The following NAV2 variants were observed in gnomAD, a reference collection of about 807,000 sequenced individuals.
NAV2 encodes neuron navigator 2.
In NAV2, 54 loss-of-function variants were observed where a neutral mutation model predicts 223.2. That is an observed-to-expected ratio of 0.24 (90% CI 0.19 to 0.30). The LOEUF is 0.30. NAV2 is among the 10% of genes least tolerant of loss of function. The probability of loss-of-function intolerance (pLI) is 1.00; values close to 1 mark genes in which losing one functional copy is unlikely to be tolerated. For missense variants in NAV2, 2,806 were observed against 3,147.5 expected (o/e 0.89, Z 2.60); for synonymous variants, 1,279 against 1,239.3 (o/e 1.03, Z -0.67).
intron 8 of NAV2, among the ~76,000 whole-genome samples, chr11:19,945,114 T>C (rs1167462444): frequency 1.3e-5 from 1 of 79,170 alleles, no homozygotes; most frequent in East Asian, 6.4e-4. Flanking sequence ...TTTCTTTTTT[T>C]CTCTTTCTTT....
intron 4 of NAV2, among the ~76,000 whole-genome samples, chr11:19,876,143 A>G (rs1293595667): frequency 6.6e-6 from 1 of 152,092 alleles, no homozygotes; most frequent in East Asian, 1.9e-4. Flanking sequence ...CTCCTGCCTC[A>G]GCCTCCCAAG....
intron 1 of NAV2, among the ~76,000 whole-genome samples, chr11:19,619,231 G>A (rs529612303): frequency 1.4e-5 from 2 of 147,118 alleles, no homozygotes; most frequent in Non-Finnish European, 3.0e-5. Flanking sequence ...GTGTGCATGT[G>A]TCTGTATAGC....
At chr11:19,498,182 G>T (rs557045152) in intron 1 of NAV2, among the ~76,000 whole-genome samples, 2 of 152,270 alleles carry the variant, frequency 1.3e-5, no homozygotes, top group South Asian at 2.1e-4. Context: ...TCACCATGTG[G>T]CTCCTCCAGA....
intron 31 of NAV2, among the ~76,000 whole-genome samples, chr11:20,100,052 C>T (rs775644814): frequency 1.6e-4 from 24 of 152,114 alleles, no homozygotes; most frequent in Non-Finnish European, 2.5e-4. Flanking sequence ...TGACTGAGTA[C>T]GTAGAAGGAA....
intron 1 of NAV2, among the ~76,000 whole-genome samples, chr11:19,618,447 T>C: frequency 6.7e-6 from 1 of 150,188 alleles, no homozygotes. Context: ...GACGGATGGG[T>C]GGATGGATGG....
At chr11:19,992,933 T>G (rs1000628916) in intron 11 of NAV2, among the ~76,000 whole-genome samples, 6 of 152,132 alleles carry the variant, frequency 3.9e-5, no homozygotes, top group Non-Finnish European at 7.4e-5. Flanking sequence ...TCAACAGTTG[T>G]TTAAAGGTGA....
At chr11:19,924,809 A>C (rs1316663668) in intron 6 of NAV2, among the ~76,000 whole-genome samples, 1 of 152,192 alleles carries the variant, frequency 6.6e-6, no homozygotes, top group Non-Finnish European at 1.5e-5. Context: ...AGCGCTGTGG[A>C]GAGATCTGGT....
chr11:19,497,500 A>G (rs1026566938), intron 1 of NAV2, among the ~76,000 whole-genome samples: 1 of 152,082 alleles, frequency 6.6e-6, no homozygotes, highest in Non-Finnish European at 1.5e-5. Context: ...AGAGTGGTCT[A>G]GTGTGTTTGC....
intron 1 of NAV2, among the ~76,000 whole-genome samples, chr11:19,550,986 A>C (rs2044672078): frequency 6.6e-6 from 1 of 152,254 alleles, no homozygotes; most frequent in South Asian, 2.1e-4. Flanking sequence ...AGATGACTGC[A>C]AAACTGCTCT....
intron 1 of NAV2, among the ~76,000 whole-genome samples, chr11:19,513,035 A>G (rs2632052): frequency 0.98 from 149,008 of 152,310 alleles, 72,970 homozygotes; most frequent in East Asian, 1. Context: ...AGGCTGGGGC[A>G]GGGGCGGTGT....
intron 3 of NAV2, among the ~76,000 whole-genome samples, chr11:19,853,890 A>C (rs1412692873): frequency 1.3e-5 from 2 of 152,188 alleles, no homozygotes; most frequent in Admixed American, 6.5e-5. Context: ...ACTGCTTAGC[A>C]ACCTGGTAGA....
intron 1 of NAV2, among the ~76,000 whole-genome samples, chr11:19,776,949 T>C (rs2056275750): frequency 6.6e-6 from 1 of 151,634 alleles, no homozygotes; most frequent in South Asian, 2.1e-4. Context: ...CTCCCCGAAA[T>C]AGTTAAGTAT....
chr11:19,875,460 A>G (rs1384218888), intron 4 of NAV2, among the ~76,000 whole-genome samples: 1 of 152,232 alleles, frequency 6.6e-6, no homozygotes, highest in Non-Finnish European at 1.5e-5. Flanking sequence ...CTTGAAGTAC[A>G]GTTTCTACTG....
chr11:20,008,045 A>G (rs1255139905), intron 11 of NAV2, among the ~76,000 whole-genome samples: 2 of 152,232 alleles, frequency 1.3e-5, no homozygotes, highest in Admixed American at 1.3e-4. Context: ...GAAACCAAAT[A>G]TTGCAGAACT....
chr11:20,099,791 C>T (rs1274170653), intron 31 of NAV2, among the ~76,000 whole-genome samples: 6 of 152,140 alleles, frequency 3.9e-5, no homozygotes, highest in Admixed American at 3.9e-4. Context: ...CGAAACAGAG[C>T]AGTACATATA....
intron 1 of NAV2, among the ~76,000 whole-genome samples, chr11:19,644,728 C>A (rs942488076): frequency 4.6e-5 from 7 of 152,140 alleles, no homozygotes; most frequent in Non-Finnish European, 2.9e-5. Flanking sequence ...TGTGGACCTC[C>A]GCTTGTTGGG....
At chr11:19,953,300 G>T (rs1270431171) in intron 10 of NAV2, among the ~76,000 whole-genome samples, 1 of 152,122 alleles carries the variant, frequency 6.6e-6, no homozygotes, top group East Asian at 1.9e-4. Context: ...AGATCTGAAT[G>T]CCTTAACTGA....
chr11:19,919,836 A>T (rs2044123541), intron 6 of NAV2, among the ~76,000 whole-genome samples: 1 of 152,212 alleles, frequency 6.6e-6, no homozygotes, highest in South Asian at 2.1e-4. Flanking sequence ...AAGTCCATTG[A>T]TTAAGAAGAG....
chr11:19,984,065 C>T, intron 10 of NAV2, 60 bp from the exon 11 acceptor site: 5 of 1,610,158 alleles, frequency 3.1e-6, no homozygotes, highest in Non-Finnish European at 2.5e-6. Context: ...GATATGAATG[C>T]AAGCCTGGAA....
Sources: gnomAD v4.1 joint callset for allele counts (sites outside exome capture counted in the v4.1 genomes callset) on GRCh38, gnomAD v4.1.1 for gene constraint, MANE v1.5 for transcripts, NCBI Gene and HGNC (gene_info 2026-07-23, HGNC 2026-07-21) for gene names.